Variants in TNNI3K observed in about 807,000 individuals in gnomAD.
TNNI3K encodes the protein serine/threonine-protein kinase TNNI3K.
In TNNI3K, 140 loss-of-function variants were observed where a neutral mutation model predicts 114.5. That is an observed-to-expected ratio of 1.22 (90% CI 1.07 to 1.41). TNNI3K has a LOEUF of 1.41. TNNI3K is among the 40% of genes most tolerant of loss of function. The pLI is 0.00. For missense variants in TNNI3K, 1,125 were observed against 1,007.6 expected (o/e 1.12, Z -1.58); for synonymous variants, 347 against 347.5 (o/e 1.00, Z 0.02).
chr1:74,443,831 C>T (rs1001733119), intron 20 of TNNI3K, among the ~76,000 whole-genome samples: 1 of 152,112 alleles, frequency 6.6e-6, no homozygotes, highest in Non-Finnish European at 1.5e-5. Flanking sequence ...GGGCTTCATC[C>T]CCACGATGTA....
chr1:74,474,722 C>T (rs369399833), intron 21 of TNNI3K, among the ~76,000 whole-genome samples: 9 of 152,112 alleles, frequency 5.9e-5, no homozygotes, highest in Non-Finnish European at 1.2e-4. Flanking sequence ...GTAGATGTCA[C>T]GGCCAGATTC....
intron 5 of TNNI3K, among the ~76,000 whole-genome samples, chr1:74,316,921 G>A (rs1659344290): frequency 6.6e-6 from 1 of 150,556 alleles, no homozygotes; most frequent in African/African-American, 2.4e-5. Flanking sequence ...GAATTGTCTC[G>A]ATCTCCTGAC....
intron 17 of TNNI3K, among the ~76,000 whole-genome samples, chr1:74,387,558 G>A (rs903936166): frequency 2.0e-5 from 3 of 152,040 alleles, no homozygotes; most frequent in African/African-American, 4.8e-5. Context: ...AAAAGCTTTC[G>A]GTATCATTTC....
intron 7 of TNNI3K, among the ~76,000 whole-genome samples, chr1:74,339,847 G>T (rs552771014): frequency 6.6e-6 from 1 of 152,018 alleles, no homozygotes; most frequent in East Asian, 1.9e-4. Context: ...ATGCCATTTT[G>T]ATAATGTTAA....
chr1:74,268,186 A>G (rs1156726103), intron 4 of TNNI3K, among the ~76,000 whole-genome samples: 1 of 57,382 alleles, frequency 1.7e-5, no homozygotes, highest in Non-Finnish European at 3.3e-5. Flanking sequence ...GCTCAAATCT[A>G]TCATATTTTC....
intron 2 of TNNI3K, 81 bp from the exon 3 acceptor site, chr1:74,249,378 G>A: frequency 7.1e-7 from 1 of 1,399,454 alleles, no homozygotes; most frequent in East Asian, 2.4e-5. Flanking sequence ...ATAGTAACAG[G>A]ATTTGCATTT....
intron 11 of TNNI3K, chr1:74,366,649 T>C (rs1354144261): frequency 6.6e-6 from 1 of 151,930 alleles, no homozygotes; most frequent in African/African-American, 2.4e-5. Context: ...TGAAAATATG[T>C]CGCAAGGCCA....
At chr1:74,236,286 T>C in intron 2 of TNNI3K, 76 bp downstream of exon 2, 6 of 1,327,194 alleles carry the variant, frequency 4.5e-6, no homozygotes, top group South Asian at 1.3e-5. Flanking sequence ...TATCTGTATA[T>C]TTTTTAAACC....
chr1:74,488,033 G>T (rs1668855615), intron 21 of TNNI3K, among the ~76,000 whole-genome samples: 1 of 152,156 alleles, frequency 6.6e-6, no homozygotes, highest in Admixed American at 6.6e-5. Flanking sequence ...GTAGGCAAAG[G>T]AACCCAGAGG....
At chr1:74,336,172 C>A in intron 7 of TNNI3K, 23 bp downstream of exon 7, 1 of 1,584,022 alleles carries the variant, frequency 6.3e-7, no homozygotes, top group Non-Finnish European at 8.5e-7. Context: ...ATTTAAAAGA[C>A]CTTTGCTATC....
At chr1:74,295,670 A>C (rs986579225) in intron 5 of TNNI3K, among the ~76,000 whole-genome samples, 2 of 152,146 alleles carry the variant, frequency 1.3e-5, no homozygotes, top group African/African-American at 2.4e-5. Flanking sequence ...TCACTATGCC[A>C]GCTTTCTTTT....
At position 74,448,561 on chromosome 1, in the gene TNNI3K, C is replaced by A. The variant is rs962321474; in HGVS notation, c.2011+8939C>A. On this transcript the variant is annotated intron_variant, in intron 20 of 24. Coordinates refer to ENST00000326637, the MANE Select transcript of TNNI3K (RefSeq NM_015978.3). ...GTGCCGGTTTTCAAAGGGAATGCTT[C>A]CAGTTTTTGCCCATTCAGTATGATA... is the stretch of plus-strand genomic sequence containing the variant. 1.6e-4 allele frequency among the ~76,000 whole-genome samples: 23 copies of A among 143,428 alleles called. No individual in the cohort carries two copies. In the East Asian group the frequency reaches 3.6e-3, roughly 23 times the overall value. The allele number at this position is 143,428 out of a possible 152,430, so 94.1% of individuals were successfully genotyped here. A position where few individuals can be genotyped will look rare whatever the true frequency, so the allele number is the denominator to read the frequency against.
intron 23 of TNNI3K, among the ~76,000 whole-genome samples, chr1:74,522,980 TGA>T (rs1156525560): frequency 6.6e-6 from 1 of 152,204 alleles, no homozygotes; most frequent in Non-Finnish European, 1.5e-5. Context: ...AAATTACTAA[TGA>T]GAGGGGAAAC....
intron 6 of TNNI3K, among the ~76,000 whole-genome samples, chr1:74,333,919 G>A (rs969032401): frequency 1.3e-5 from 2 of 152,170 alleles, no homozygotes; most frequent in African/African-American, 4.8e-5. Flanking sequence ...GGCATGCAAG[G>A]TTCTTGAAAC....
chr1:74,524,126 T>C (rs1646470837), intron 23 of TNNI3K, among the ~76,000 whole-genome samples: 1 of 152,236 alleles, frequency 6.6e-6, no homozygotes, highest in Admixed American at 6.5e-5. Flanking sequence ...CCAGTAGTAT[T>C]TGTGGCAGTG....
chr1:74,381,053 T>G (rs1194424079), intron 17 of TNNI3K, among the ~76,000 whole-genome samples: 3 of 152,182 alleles, frequency 2.0e-5, no homozygotes, highest in Non-Finnish European at 4.4e-5. Flanking sequence ...ATTATAAACC[T>G]TTTTAAAGTC....
intron 7 of TNNI3K, among the ~76,000 whole-genome samples, chr1:74,342,390 G>C (rs1281724712): frequency 2.0e-5 from 3 of 152,092 alleles, no homozygotes; most frequent in Non-Finnish European, 4.4e-5. Context: ...GTTTACAACA[G>C]TGTTGTAAAC....
intron 17 of TNNI3K, among the ~76,000 whole-genome samples, chr1:74,426,910 G>GA (rs1460640057): frequency 1.3e-5 from 2 of 151,730 alleles, no homozygotes; most frequent in Non-Finnish European, 2.9e-5. Flanking sequence ...TCAGTTCAGG[G>GA]AAAAAAGAGT....
chr1:74,392,930 T>A (rs941422283), intron 17 of TNNI3K, among the ~76,000 whole-genome samples: 1 of 152,132 alleles, frequency 6.6e-6, no homozygotes, highest in Admixed American at 6.6e-5. Context: ...GCATCTAGAG[T>A]TTCTGGGAAC....
Sources: allele counts gnomAD v4.1 joint callset (sites outside exome capture counted in the v4.1 genomes callset), GRCh38; gene constraint gnomAD v4.1.1; transcripts MANE v1.5; gene names NCBI Gene and HGNC (gene_info 2026-07-23, HGNC 2026-07-21).